PSMB2: variants seen among roughly 807,000 people sequenced by gnomAD.
The protein encoded by PSMB2 is proteasome 20S subunit beta 2, also known as proteasome subunit beta type-2.
In PSMB2, 13 loss-of-function variants were observed where a neutral mutation model predicts 25.7. The ratio of observed to expected loss-of-function variants is 0.51; its 90% CI spans 0.33 to 0.80. The LOEUF (loss-of-function observed/expected upper bound fraction) is 0.80, where lower values mean the gene tolerates loss of function less well. Ranked by LOEUF, PSMB2 falls within the 30% of genes least tolerant of loss-of-function variation. The pLI, the probability that PSMB2 is intolerant of heterozygous loss-of-function variation, is 0.02. For missense variants in PSMB2, 202 were observed against 259.0 expected (o/e 0.78, Z 1.51); for synonymous variants, 87 against 96.2 (o/e 0.90, Z 0.56).
At position 35,600,895 on chromosome 1, in the gene PSMB2, T is replaced by C. The variant is rs1418164910; in HGVS notation, c.*2372A>G. The C allele has an allele frequency of 4.1e-6, 4 of 984,798 alleles. No homozygotes were observed. Among genetic ancestry groups the C allele is most frequent in the Non-Finnish European group, 4.8e-6 (4 of 829,494 alleles). 61.0% of individuals were successfully genotyped at this position (984,798 alleles called of 1,614,324 possible). A position where few individuals can be genotyped will look rare whatever the true frequency, so the allele number is the denominator to read the frequency against. ...TGAGCACTTACCACATGCCAAGCCC[T>C]GAACTAAATGTTTACCTATATTACT... On this transcript the variant is annotated 3_prime_UTR_variant, in exon 6 of 6. Transcript: ENST00000373237.
At chr1:35,630,858 A>T (rs1651072915) in intron 3 of PSMB2, among the ~76,000 whole-genome samples, 1 of 152,250 alleles carries the variant, frequency 6.6e-6, no homozygotes, top group Admixed American at 6.5e-5. Context: ...CTGTCAATAT[A>T]GGCTCATCAT....
At chr1:35,634,428 G>A (rs952507126) in intron 2 of PSMB2, among the ~76,000 whole-genome samples, 1 of 152,222 alleles carries the variant, frequency 6.6e-6, no homozygotes, top group Non-Finnish European at 1.5e-5. Flanking sequence ...ACAGGCTGGA[G>A]TGCAGTGGCA....
At chr1:35,611,411 T>C (rs1557448904) in intron 3 of PSMB2, among the ~76,000 whole-genome samples, 1 of 152,120 alleles carries the variant, frequency 6.6e-6, no homozygotes, top group South Asian at 2.1e-4. Flanking sequence ...GGTGCAATCA[T>C]AGCTCGCTGC....
At chr1:35,622,268 G>A (rs1650711471) in intron 3 of PSMB2, among the ~76,000 whole-genome samples, 2 of 152,142 alleles carry the variant, frequency 1.3e-5, no homozygotes, top group Non-Finnish European at 2.9e-5. Flanking sequence ...AGGATATTGT[G>A]TGTGTTTGTA....
Position 35,631,152 on chromosome 1 carries a change from G to C in PSMB2, c.285+122C>G, listed in dbSNP as rs1190135868. 3.6e-6 allele frequency: 3 copies of C among 830,002 alleles called. No homozygotes were observed. The Admixed American group carries it at 6.7e-5, about 19-fold the overall frequency. The allele number at this position is 830,002 out of a possible 1,614,324, so 51.4% of individuals were successfully genotyped here. A position where few individuals can be genotyped will look rare whatever the true frequency, so the allele number is the denominator to read the frequency against. On this transcript the variant is annotated intron_variant, in intron 3 of 5. Transcript: ENST00000373237. ...CATTGGACTTAAGAATGAACAAGTA[G>C]CAACAGGAGGGGTTCTGGAAGGCCA...
chr1:35,608,418 G>T (rs945874167), intron 4 of PSMB2, among the ~76,000 whole-genome samples: 2 of 151,702 alleles, frequency 1.3e-5, no homozygotes, highest in African/African-American at 4.8e-5. Context: ...AAGTTCTATT[G>T]TTCTATACCA....
chr1:35,620,099 G>A (rs1434429112), intron 3 of PSMB2, among the ~76,000 whole-genome samples: 1 of 152,186 alleles, frequency 6.6e-6, no homozygotes, highest in African/African-American at 2.4e-5. Flanking sequence ...AGTTGTGCAT[G>A]CTAAGCATGC....
rs1309156688 is a variant in PSMB2 at position 35,609,268 on chromosome 1, G to A, written c.426C>T (p.Ile142=). 2 of 1,609,796 alleles carry A rather than the reference G, an allele frequency of 1.2e-6. No individual in the cohort carries two copies. The highest frequency in any genetic ancestry group is 1.3e-5 in the African/African-American group (1 of 74,750). The change falls in exon 4 of 6, where the codon ATC becomes ATT. Residue 142 remains isoleucine, a synonymous_variant. Coordinates refer to ENST00000373237, the MANE Select transcript of PSMB2 (RefSeq NM_002794.5). ...TACTCGGTGTGTAGTATCGGTCGAG[G>A]ATACTGAGAGTCAGGAAGGCACCAT... The part of the protein sequence containing the change: ...HGYGAFLTLS[I]LDRYYTPTIS...
rs1029815201 is a variant in PSMB2 at position 35,601,779 on chromosome 1, A to G, written c.*1488T>C. On this transcript the variant is annotated 3_prime_UTR_variant, in exon 6 of 6. Coordinates refer to ENST00000373237, the MANE Select transcript of PSMB2 (RefSeq NM_002794.5). ...TGGTTCCTAGACCAGCAGCATCAGT[A>G]GCAACTGGAAATGTGAGATGAACAT... 1.5e-5 allele frequency: 15 copies of G among 985,192 alleles called. No homozygotes were observed. Among genetic ancestry groups the G allele is most frequent in the African/African-American group, 3.5e-5 (2 of 57,240 alleles). The allele number at this position is 985,192 out of a possible 1,614,324, so 61.0% of individuals were successfully genotyped here. A position where few individuals can be genotyped will look rare whatever the true frequency, so the allele number is the denominator to read the frequency against.
intron 1 of PSMB2, among the ~76,000 whole-genome samples, chr1:35,640,681 C>A (rs1230414164): frequency 1.4e-5 from 2 of 148,044 alleles, no homozygotes; most frequent in Non-Finnish European, 2.9e-5. Context: ...CCCACAGTCT[C>A]ACTCTCCTCA....
chr1:35,612,294 T>G (rs948830825), intron 3 of PSMB2, among the ~76,000 whole-genome samples: 2 of 151,988 alleles, frequency 1.3e-5, no homozygotes, highest in African/African-American at 4.8e-5. Flanking sequence ...TTCTGGGTTT[T>G]TTTTTTTTTA....
At chr1:35,631,371 T>C (rs762657106) in intron 2 of PSMB2, 27 bp from the exon 3 acceptor site, 9 of 1,612,238 alleles carry the variant, frequency 5.6e-6, no homozygotes, top group Non-Finnish European at 7.6e-6. Flanking sequence ...AGAGTCATAC[T>C]TAAAGTAAAG....
intron 4 of PSMB2, among the ~76,000 whole-genome samples, chr1:35,607,029 CT>C (rs1650189573): frequency 6.6e-6 from 1 of 152,178 alleles, no homozygotes; most frequent in Non-Finnish European, 1.5e-5. Context: ...ACCCTCACCT[CT>C]TACCCTATAC....
At chr1:35,625,082 A>C (rs913084313) in intron 3 of PSMB2, among the ~76,000 whole-genome samples, 19 of 151,538 alleles carry the variant, frequency 1.3e-4, no homozygotes, top group African/African-American at 4.6e-4. Context: ...AGCATTGCAC[A>C]CTGGTCTTCC....
chr1:35,618,676 G>A (rs1300917754), intron 3 of PSMB2, among the ~76,000 whole-genome samples: 1 of 152,176 alleles, frequency 6.6e-6, no homozygotes. Context: ...GCAGAGGTGC[G>A]AGAGAGAACC....
intron 3 of PSMB2, among the ~76,000 whole-genome samples, chr1:35,624,517 C>T (rs755207884): frequency 2.6e-5 from 4 of 152,168 alleles, no homozygotes; most frequent in Non-Finnish European, 5.9e-5. Context: ...CTTTGGGAGG[C>T]TGAGGTGGGC....
At chr1:35,603,498 A>G in intron 5 of PSMB2, 124 bp from the exon 6 acceptor site, 2 of 1,197,716 alleles carry the variant, frequency 1.7e-6, no homozygotes, top group Non-Finnish European at 2.3e-6. Context: ...CTGATATTCT[A>G]CTGGAGGCAG....
At chr1:35,617,141 C>T (rs1330815838) in intron 3 of PSMB2, among the ~76,000 whole-genome samples, 3 of 152,104 alleles carry the variant, frequency 2.0e-5, no homozygotes, top group African/African-American at 4.8e-5. Flanking sequence ...CTCCACCTCC[C>T]GGGTTCAAGT....
Position 35,600,936 on chromosome 1 carries a change from A to G in PSMB2, c.*2331T>C, listed in dbSNP as rs1269889958. ...CTATATTACTTCATGGAATTCTCAT[A>G]TCTACCACATAGAATAGGTGCTATT... On this transcript the variant is annotated 3_prime_UTR_variant, in exon 6 of 6. Coordinates refer to ENST00000373237, the MANE Select transcript of PSMB2 (RefSeq NM_002794.5). 1.0e-6 allele frequency: 1 copy of G among 984,676 alleles called. No homozygotes were observed. Among genetic ancestry groups the G allele is most frequent in the African/African-American group, 1.7e-5 (1 of 57,172 alleles). The allele number at this position is 984,676 out of a possible 1,614,324, so 61.0% of individuals were successfully genotyped here.
Sources: gnomAD v4.1 joint callset for allele counts (sites outside exome capture counted in the v4.1 genomes callset) on GRCh38, gnomAD v4.1.1 for gene constraint, MANE v1.5 for transcripts, NCBI Gene and HGNC (gene_info 2026-07-23, HGNC 2026-07-21) for gene names.